UGGT2: variants seen among roughly 807,000 people sequenced by gnomAD.
UGGT2 encodes the protein UDP-glucose:glycoprotein glucosyltransferase 2.
UGGT2 carries 180 observed loss-of-function variants against 192.1 expected under a neutral mutation model. That is an observed-to-expected ratio of 0.94 (90% CI 0.83 to 1.06). UGGT2 has a LOEUF of 1.06. UGGT2 is among the 50% of genes least tolerant of loss of function. The pLI is 0.00. For synonymous variants in UGGT2, 580 were observed against 591.0 expected (o/e 0.98, Z 0.27); for missense variants, 1,849 against 1,795.7 (o/e 1.03, Z -0.54).
intron 12 of UGGT2, among the ~76,000 whole-genome samples, chr13:95,967,679 G>A (rs902732227): frequency 6.6e-6 from 1 of 151,874 alleles, no homozygotes; most frequent in Non-Finnish European, 1.5e-5. Flanking sequence ...TCACCATGCT[G>A]GCCAGGATGG....
intron 20 of UGGT2, among the ~76,000 whole-genome samples, chr13:95,907,769 A>G (rs532564874): frequency 2.0e-5 from 3 of 152,238 alleles, no homozygotes; most frequent in Non-Finnish European, 4.4e-5. Flanking sequence ...CCAAAGGTAG[A>G]TAACACCACA....
chr13:96,052,732 T>C (rs1396267098), intron 1 of UGGT2, among the ~76,000 whole-genome samples: 1 of 152,168 alleles, frequency 6.6e-6, no homozygotes, highest in Non-Finnish European at 1.5e-5. Flanking sequence ...AGGAAAAATA[T>C]TACCTTGCAG....
At chr13:95,884,860 C>T (rs990689529) in intron 26 of UGGT2, among the ~76,000 whole-genome samples, 180 bp from the exon 27 acceptor site, 3 of 152,116 alleles carry the variant, frequency 2.0e-5, no homozygotes, top group Non-Finnish European at 4.4e-5. Flanking sequence ...TATTTGTTGA[C>T]ACTACTATCT....
At chr13:95,882,275 G>A (rs1272090701) in intron 27 of UGGT2, among the ~76,000 whole-genome samples, 1 of 152,166 alleles carries the variant, frequency 6.6e-6, no homozygotes, top group African/African-American at 2.4e-5. Context: ...TAATGTCAAT[G>A]TAGTGACAAT....
rs924163688 is a variant in UGGT2 at position 95,891,510 on chromosome 13, T to G, written c.2856-546A>C. Among the ~76,000 whole-genome samples the G allele has an allele frequency of 2.6e-5, 4 of 152,214 alleles. No individual in the cohort carries two copies. The South Asian group carries it at 6.2e-4, about 24-fold the overall frequency. ...CGTTTTTATCTTTCACCGATAAAAG[T>G]TCTAAATTAGAAGATGGACTAGTTT... On this transcript the variant is annotated intron_variant, in intron 24 of 38. Transcript: ENST00000376747.
intron 12 of UGGT2, among the ~76,000 whole-genome samples, chr13:95,969,908 ATTC>A (rs1180963890): frequency 2.6e-5 from 4 of 152,210 alleles, no homozygotes; most frequent in African/African-American, 9.6e-5. Flanking sequence ...TTGAGTAGGT[ATTC>A]TTGTGACAAA....
intron 31 of UGGT2, among the ~76,000 whole-genome samples, chr13:95,861,608 A>G (rs920671125): frequency 2.0e-5 from 3 of 152,202 alleles, no homozygotes; most frequent in African/African-American, 7.2e-5. Context: ...TACAGTATTC[A>G]TAATGTATAA....
rs1889018048 is a variant in UGGT2, at chr13:95,851,411, AGAGATGGT to A, written c.4284+2124_4284+2131del. On this transcript the variant is annotated intron_variant, in intron 36 of 38. Coordinates refer to ENST00000376747, the MANE Select transcript of UGGT2 (RefSeq NM_020121.4). ...CATGATTGGCTGCAAGACTGCCGCTAGAGATGGTATGGAGTGAGAAGTGGGTCAAGGCA... is the reference window on the plus strand; with the variant it reads ...CATGATTGGCTGCAAGACTGCCGCTAATGGAGTGAGAAGTGGGTCAAGGCA... 3.9e-5 allele frequency among the ~76,000 whole-genome samples: 6 copies of A among 152,384 alleles called. No individual in the cohort carries two copies. The South Asian group carries it at 1.2e-3, about 32-fold the overall frequency.
At chr13:95,896,883 T>C (rs1415951320) in intron 22 of UGGT2, among the ~76,000 whole-genome samples, 4 of 152,120 alleles carry the variant, frequency 2.6e-5, no homozygotes, top group African/African-American at 7.2e-5. Flanking sequence ...CATAGAATAA[T>C]TGCTGTAACA....
chr13:95,906,962 C>G (rs569888610), intron 20 of UGGT2, among the ~76,000 whole-genome samples: 6 of 152,292 alleles, frequency 3.9e-5, no homozygotes, highest in Admixed American at 2.0e-4. Context: ...AGGGCATCGC[C>G]TCACCTGGAA....
chr13:95,964,905 AC>A (rs1308652518), intron 12 of UGGT2, among the ~76,000 whole-genome samples: 1 of 152,206 alleles, frequency 6.6e-6, no homozygotes, highest in Non-Finnish European at 1.5e-5. Flanking sequence ...CAAGAAAAAA[AC>A]GACCCCATCA....
At chr13:95,923,256 G>A (rs900538233) in intron 20 of UGGT2, among the ~76,000 whole-genome samples, 1 of 151,806 alleles carries the variant, frequency 6.6e-6, no homozygotes, top group Non-Finnish European at 1.5e-5. Flanking sequence ...ACAGAGTCTT[G>A]TTATGTTGCC....
chr13:95,823,111 G>T, intron 38 of UGGT2, among the ~76,000 whole-genome samples: 1 of 151,976 alleles, frequency 6.6e-6, no homozygotes, highest in East Asian at 1.9e-4. Flanking sequence ...AGTTCCTTTG[G>T]GAGCTGATTT....
At chr13:95,905,340 C>T (rs1282002688) in intron 20 of UGGT2, among the ~76,000 whole-genome samples, 1 of 150,698 alleles carries the variant, frequency 6.6e-6, no homozygotes. Flanking sequence ...GTTGCCATTG[C>T]TTTTGGTGTT....
chr13:95,815,514 A>G (rs904368635), intron 38 of UGGT2, among the ~76,000 whole-genome samples: 1 of 152,236 alleles, frequency 6.6e-6, no homozygotes, highest in African/African-American at 2.4e-5. Context: ...TCTTAGTAAA[A>G]TATGTACACT....
intron 20 of UGGT2, among the ~76,000 whole-genome samples, chr13:95,913,929 C>T (rs994231443): frequency 1.3e-5 from 2 of 152,092 alleles, no homozygotes; most frequent in Admixed American, 6.5e-5. Flanking sequence ...AGTTCATGTC[C>T]TTTGCCGGGA....
intron 2 of UGGT2, among the ~76,000 whole-genome samples, chr13:96,026,963 G>A (rs892356692): frequency 3.3e-5 from 5 of 152,100 alleles, no homozygotes; most frequent in Admixed American, 6.5e-5. Context: ...GAGCCACCGC[G>A]CCCAGCCCAC....
intron 38 of UGGT2, among the ~76,000 whole-genome samples, chr13:95,806,699 G>C (rs1207373528): frequency 6.6e-6 from 1 of 152,092 alleles, no homozygotes; most frequent in East Asian, 1.9e-4. Context: ...GAGACATATA[G>C]ACTAAAGGAA....
intron 5 of UGGT2, among the ~76,000 whole-genome samples, chr13:96,009,759 G>C (rs1337211043): frequency 6.6e-6 from 1 of 152,190 alleles, no homozygotes; most frequent in Non-Finnish European, 1.5e-5. Context: ...AGTGAGCCGA[G>C]ATCGCGCCAC....
Sources: gnomAD v4.1 joint callset for allele counts (sites outside exome capture counted in the v4.1 genomes callset) on GRCh38, gnomAD v4.1.1 for gene constraint, MANE v1.5 for transcripts, NCBI Gene and HGNC (gene_info 2026-07-23, HGNC 2026-07-21) for gene names.